NPLOC4: variants seen among roughly 807,000 people sequenced by gnomAD.
The protein encoded by NPLOC4 is NPL4 homolog, ubiquitin recognition factor.
Under a neutral mutation model 80.6 loss-of-function variants are expected in NPLOC4, and 18 were observed. The ratio of observed to expected loss-of-function variants is 0.22; its 90% CI spans 0.15 to 0.33. The LOEUF (loss-of-function observed/expected upper bound fraction) is 0.33. Ranked by LOEUF, NPLOC4 falls within the 10% of genes least tolerant of loss-of-function variation. The pLI is 1.00. For missense variants in NPLOC4, 540 were observed against 786.1 expected (o/e 0.69, Z 3.74); for synonymous variants, 313 against 301.5 (o/e 1.04, Z -0.39).
At chr17:81,634,206 G>A (rs952504100) in intron 1 of NPLOC4, among the ~76,000 whole-genome samples, 61 of 151,992 alleles carry the variant, frequency 4.0e-4, no homozygotes, top group South Asian at 2.1e-4. Context: ...GTTTCACCAT[G>A]TCGGCCAGGC....
chr17:81,589,650 G>C (rs138878497), intron 11 of NPLOC4, among the ~76,000 whole-genome samples: 1 of 152,044 alleles, frequency 6.6e-6, no homozygotes, highest in Non-Finnish European at 1.5e-5. Context: ...TCCACAAACA[G>C]GTGCCACTAA....
At chr17:81,562,776 A>C (rs2144014965) in intron 16 of NPLOC4, 1 of 149,146 alleles carries the variant, frequency 6.7e-6, no homozygotes, top group Non-Finnish European at 1.5e-5. Flanking sequence ...TCATCTCTAC[A>C]ACAAATTTAA....
rs1323710909 is a variant in NPLOC4, at chr17:81,626,936, A to T, written c.96+2789T>A. Among the ~76,000 whole-genome samples, 14 of 151,810 alleles carry T rather than the reference A, an allele frequency of 9.2e-5. 1 individual carries two copies. The South Asian group carries it at 2.9e-3, about 32-fold the overall frequency. Reference sequence around the variant, plus strand: ...GAAACCTCGTCTCTACTAAAAATACAAAAATCAGCTGGGCATGGTGGTGCG... The same window carrying T: ...GAAACCTCGTCTCTACTAAAAATACTAAAATCAGCTGGGCATGGTGGTGCG... On this transcript the variant is annotated intron_variant, in intron 2 of 16. Transcript: ENST00000331134.
At position 81,592,926 on chromosome 17, in the gene NPLOC4, T is replaced by G. The variant is rs976133855; in HGVS notation, c.1120+3190A>C. On this transcript the variant is annotated intron_variant, in intron 11 of 16. Transcript: ENST00000331134. Reference sequence around the variant, plus strand: ...TTGAACCCGGAGGCAGAAGTTGCAGTGAGCCAAGATTGTGCCATGGCACTC... The same window carrying G: ...TTGAACCCGGAGGCAGAAGTTGCAGGGAGCCAAGATTGTGCCATGGCACTC... 3.9e-5 allele frequency among the ~76,000 whole-genome samples: 6 copies of G among 152,294 alleles called. No homozygotes were observed. In the South Asian group the frequency reaches 1.2e-3, roughly 32 times the overall value.
intron 6 of NPLOC4, among the ~76,000 whole-genome samples, chr17:81,607,629 T>G (rs2035241026): frequency 6.6e-6 from 1 of 152,196 alleles, no homozygotes; most frequent in Non-Finnish European, 1.5e-5. Flanking sequence ...TGAATCTGCA[T>G]GCTAACAGCA....
intron 9 of NPLOC4, among the ~76,000 whole-genome samples, chr17:81,599,466 T>C (rs2035008539): frequency 6.6e-6 from 1 of 152,162 alleles, no homozygotes; most frequent in Non-Finnish European, 1.5e-5. Context: ...ATCAAGATGC[T>C]GACTCCTTGT....
At position 81,577,513 on chromosome 17, in the gene NPLOC4, C is replaced by T. The variant is rs113538317; in HGVS notation, c.1282-5425G>A. ...CTCATCTACTTCCGGGTTAGCTCAA[C>T]GCACTCTTCTCTTCTCCCTCTGAAC... On this transcript the variant is annotated intron_variant, in intron 12 of 16. Transcript: ENST00000331134. The surrounding 1 kb of genome is among the most constrained non-coding windows in gnomAD (Gnocchi z 4.3). 0.12 allele frequency among the ~76,000 whole-genome samples: 17,447 copies of T among 150,446 alleles called. 1,252 individuals carry two copies. Among genetic ancestry groups the T allele is most frequent in the Non-Finnish European group, 0.15 (9,931 of 67,246 alleles).
rs1415836355 is a variant in NPLOC4 at position 81,608,760 on chromosome 17, G to A, written c.498C>T (p.Ala166=). 1 of 1,593,424 alleles carries A rather than the reference G, an allele frequency of 6.3e-7. No individual in the cohort carries two copies. ...CCCCTCCAGTCAGCTTCCGGATGTA[G>A]GCGTGGAAGGACATGTGCTTCACGG... The part of the protein sequence containing the change: ...EPPVKHMSFH[A]YIRKLTGGAD... Residue 166 remains alanine (A), a synonymous_variant, in exon 6 of 17, where the codon GCC becomes GCT. Coordinates refer to ENST00000331134, the MANE Select transcript of NPLOC4 (RefSeq NM_017921.4).
Position 81,572,039 on chromosome 17 carries a change from G to C in NPLOC4, c.1331C>G (p.Pro444Arg). 1 of 1,606,560 alleles carries C rather than the reference G, an allele frequency of 6.2e-7. No individual in the cohort carries two copies. Among genetic ancestry groups the C allele is most frequent in the Admixed American group, 1.7e-5 (1 of 59,574 alleles). ...NEITQLARPL[P>R]VEYLIIDITT... The stretch of plus-strand genomic sequence containing the variant: ...TACGTCTATGATGAGATACTCCACA[G>C]GCAGGGGCCGGGCCAGCTGGGTGAT... Residue 444 changes from proline (P) to arginine (R), a missense_variant, in exon 13 of 17, where the codon CCT becomes CGT. Coordinates refer to ENST00000331134, the MANE Select transcript of NPLOC4 (RefSeq NM_017921.4). The surrounding 1 kb of genome is among the most constrained non-coding windows in gnomAD (Gnocchi z 4.5).
At chr17:81,590,991 T>C (rs921398915) in intron 11 of NPLOC4, among the ~76,000 whole-genome samples, 1 of 152,168 alleles carries the variant, frequency 6.6e-6, no homozygotes, top group Non-Finnish European at 1.5e-5. Flanking sequence ...TGACCACTAA[T>C]ATCTCAGCAA....
At chr17:81,618,967 G>C (rs111664870) in intron 3 of NPLOC4, among the ~76,000 whole-genome samples, 1 of 151,746 alleles carries the variant, frequency 6.6e-6, no homozygotes, top group Non-Finnish European at 1.5e-5. Context: ...ATTAAGGGCG[G>C]TGCAAGATGT....
At chr17:81,602,398 C>A (rs956091112) in intron 8 of NPLOC4, among the ~76,000 whole-genome samples, 7 of 151,620 alleles carry the variant, frequency 4.6e-5, no homozygotes, top group African/African-American at 1.7e-4. Context: ...AAAAATTAAA[C>A]AATTAAACAA....
At chr17:81,628,255 C>T (rs1411111421) in intron 2 of NPLOC4, among the ~76,000 whole-genome samples, 2 of 150,628 alleles carry the variant, frequency 1.3e-5, no homozygotes, top group Non-Finnish European at 3.0e-5. Context: ...ATATATCCTT[C>T]ATGGCTGGGC....
chr17:81,581,281 G>A (rs530838340), intron 12 of NPLOC4, among the ~76,000 whole-genome samples: 17 of 148,164 alleles, frequency 1.1e-4, no homozygotes, highest in Admixed American at 5.5e-4. Flanking sequence ...CCTGGGAGGC[G>A]GAGGTTGTAG....
chr17:81,581,899 G>A (rs1030555570), intron 12 of NPLOC4, among the ~76,000 whole-genome samples: 24 of 152,314 alleles, frequency 1.6e-4, no homozygotes, highest in Non-Finnish European at 3.5e-4. Flanking sequence ...GACCTTCTGG[G>A]CAGAGCTAGT....
Position 81,558,798 on chromosome 17 carries a change from G to A in NPLOC4, c.*461C>T, listed in dbSNP as rs1271585976. Reference sequence around the variant, plus strand: ...AGAGGAAAGTGGCCCTCACAGGCAGGGTGCCTGCCACCAAGCAGTCAGACA... The same window carrying A: ...AGAGGAAAGTGGCCCTCACAGGCAGAGTGCCTGCCACCAAGCAGTCAGACA... On this transcript the variant is annotated 3_prime_UTR_variant, in exon 17 of 17. Transcript: ENST00000331134. 1 of 153,484 alleles carries A rather than the reference G, an allele frequency of 6.5e-6. No individual in the cohort carries two copies. Among genetic ancestry groups the A allele is most frequent in the Non-Finnish European group, 1.4e-5 (1 of 68,968 alleles). The allele number at this position is 153,484 out of a possible 1,614,324, so 9.5% of individuals were successfully genotyped here. A position where few individuals can be genotyped will look rare whatever the true frequency, so the allele number is the denominator to read the frequency against.
chr17:81,608,242 G>C (rs2035254740), intron 6 of NPLOC4, among the ~76,000 whole-genome samples: 1 of 152,224 alleles, frequency 6.6e-6, no homozygotes, highest in South Asian at 2.1e-4. Context: ...GATTCTCACA[G>C]GGTAGTTGTT....
At chr17:81,587,674 G>GTTTTTTTTTTT (rs34643456) in intron 12 of NPLOC4, among the ~76,000 whole-genome samples, 15 of 93,418 alleles carry the variant, frequency 1.6e-4, no homozygotes, top group African/African-American at 6.5e-4. Context: ...GAAAAAAGTT[G>GTTTTTTTTTTT]TTTTTTTTTT....
intron 3 of NPLOC4, among the ~76,000 whole-genome samples, chr17:81,616,817 G>C (rs7503679): frequency 0.54 from 82,661 of 151,742 alleles, 23,641 homozygotes; most frequent in East Asian, 0.77. Context: ...CAAAGACTCA[G>C]ACACAGAAAT....
Sources: allele counts gnomAD v4.1 joint callset (sites outside exome capture counted in the v4.1 genomes callset), GRCh38; gene constraint gnomAD v4.1.1; non-coding constraint Gnocchi (gnomAD v3.1); transcripts MANE v1.5; gene names NCBI Gene and HGNC (gene_info 2026-07-23, HGNC 2026-07-21).